FAM234A: variants seen among roughly 807,000 people sequenced by gnomAD.
FAM234A encodes family with sequence similarity 234 member A.
In FAM234A, 42 loss-of-function variants were observed where a neutral mutation model predicts 49.1. That is an observed-to-expected ratio of 0.86 (90% CI 0.67 to 1.11). The LOEUF (loss-of-function observed/expected upper bound fraction) is 1.11. Among genes scored for constraint, FAM234A ranks in the 50% least tolerant of loss-of-function variants. The pLI, the probability that FAM234A is intolerant of heterozygous loss-of-function variation, is 0.00. For synonymous variants in FAM234A, 369 were observed against 316.2 expected, an observed-to-expected ratio of 1.17 and a Z score of -1.77; for missense variants, 815 against 745.2, an observed-to-expected ratio of 1.09 and a Z score of -1.09.
intron 6 of FAM234A, 87 bp from the exon 7 acceptor site, chr16:262,006 G>C: frequency 1.0e-6 from 1 of 971,114 alleles, no homozygotes; most frequent in Non-Finnish European, 1.3e-6. Context: ...GCAGCCCCAG[G>C]CTCAGGTCCT....
intron 3 of FAM234A, among the ~76,000 whole-genome samples, chr16:257,686 C>T (rs1405240324): frequency 2.6e-5 from 4 of 151,726 alleles, no homozygotes; most frequent in African/African-American, 7.3e-5. Flanking sequence ...TTGTGCATGA[C>T]GTAAAGATTC....
chr16:264,654 C>G lies in FAM234A; in HGVS notation c.1385C>G (p.Pro462Arg). 6.2e-7 allele frequency: 1 copy of G among 1,611,968 alleles called. No individual in the cohort carries two copies. The highest frequency in any genetic ancestry group is 1.3e-5 in the African/African-American group (1 of 75,058). Residue 462 changes from proline to arginine, a missense_variant, in exon 12 of 13, where the codon CCC becomes CGC. Physicochemically the swap from Pro to Arg is moderately radical, Grantham distance 103. Coordinates refer to ENST00000399932, the MANE Select transcript of FAM234A (RefSeq NM_032039.4). ...EARHSLYMFHPTLPRVLLELA... is the reference protein window; with the variant it reads ...EARHSLYMFHRTLPRVLLELA... ...CGGCACAGCCTGTACATGTTCCACC[C>G]CACCCTGCCGCGCGTGCTGCTGGAG...
chr16:244,682 CTTTTTTTT>C (rs59549388), intron 1 of FAM234A, among the ~76,000 whole-genome samples: 3 of 86,740 alleles, frequency 3.5e-5, no homozygotes, highest in Non-Finnish European at 6.8e-5. Flanking sequence ...ATGGTAACCT[CTTTTTTTT>C]TTTTTTTTTT....
intron 5 of FAM234A, chr16:260,441 T>C: frequency 1.9e-6 from 1 of 523,766 alleles, no homozygotes; most frequent in Non-Finnish European, 3.6e-6. Flanking sequence ...TGCCATGGGG[T>C]AGCAGAGAGG....
chr16:240,358 T>C (rs2050567449), intron 1 of FAM234A: 2 of 152,228 alleles, frequency 1.3e-5, no homozygotes, highest in Non-Finnish European at 1.5e-5. Flanking sequence ...TGGCCTTAAA[T>C]AGCTTTCTTT....
At chr16:253,204 C>T (rs958858543) in intron 2 of FAM234A, among the ~76,000 whole-genome samples, 7 of 152,210 alleles carry the variant, frequency 4.6e-5, no homozygotes, top group African/African-American at 7.2e-5. Flanking sequence ...GGTTTCCCCA[C>T]CGCATCCACC....
At chr16:262,867 TG>T (rs2051529967) in intron 8 of FAM234A, among the ~76,000 whole-genome samples, 1 of 150,250 alleles carries the variant, frequency 6.7e-6, no homozygotes, top group Non-Finnish European at 1.5e-5. Context: ...TCCCCCAGGC[TG>T]GAGTGCAGTG....
downstream of FAM234A, chr16:268,718 C>T (rs902818063): frequency 3.3e-5 from 50 of 1,520,704 alleles, no homozygotes; most frequent in South Asian, 2.3e-4. Context: ...GGCGCAGCTC[C>T]GGAAGGCAGT....
chr16:262,727 G>A (rs1354764720), intron 8 of FAM234A, among the ~76,000 whole-genome samples, 174 bp downstream of exon 8: 1 of 152,038 alleles, frequency 6.6e-6, no homozygotes, highest in Non-Finnish European at 1.5e-5. Flanking sequence ...TCAAATAAAA[G>A]TTGAGTAAAG....
intron 2 of FAM234A, among the ~76,000 whole-genome samples, chr16:253,073 C>G (rs2051083964): frequency 6.6e-6 from 1 of 152,186 alleles, no homozygotes; most frequent in East Asian, 1.9e-4. Flanking sequence ...TTGTTTTTTT[C>G]TCGTTTTATA....
intron 2 of FAM234A, among the ~76,000 whole-genome samples, chr16:252,243 G>A (rs1483129773): frequency 3.4e-5 from 5 of 146,192 alleles, no homozygotes; most frequent in Admixed American, 1.4e-4. Context: ...GTGCAGTGGC[G>A]CGATCTTGGC....
At chr16:268,119 CACG>C (rs2051756243), downstream of FAM234A, among the ~76,000 whole-genome samples, 1 of 149,468 alleles carries the variant, frequency 6.7e-6, no homozygotes, top group Admixed American at 6.7e-5. Flanking sequence ...GCCTCATACA[CACG>C]ACACGTGCAC....
chr16:260,145 G>C lies in FAM234A; in HGVS notation c.562G>C (p.Val188Leu). The C allele has an allele frequency of 6.2e-7, 1 of 1,613,712 alleles. No homozygotes were observed. The highest frequency in any genetic ancestry group is 8.5e-7 in the Non-Finnish European group (1 of 1,180,020). ...LVGRPSSFIAVNLFTGETLWN... is the reference protein window; with the variant it reads ...LVGRPSSFIALNLFTGETLWN... Reference sequence around the variant, plus strand: ...GGGCAGACCCAGTTCTTTCATTGCAGTCAACTTGTTCACAGGTAGGCCAGC... The same window carrying C: ...GGGCAGACCCAGTTCTTTCATTGCACTCAACTTGTTCACAGGTAGGCCAGC... Residue 188 changes from valine to leucine, a missense_variant, in exon 5 of 13, where the codon GTC becomes CTC. By Grantham distance (32) the Val-to-Leu change is conservative (BLOSUM62 1). Transcript: ENST00000399932.
chr16:269,235 T>G (rs1477559693), downstream of FAM234A: 26 of 1,429,394 alleles, frequency 1.8e-5, no homozygotes, highest in Non-Finnish European at 1.9e-6. Flanking sequence ...GACGTTGAGC[T>G]GCAGGGACTA....
In FAM234A at chr16:264,811, C is replaced by T; in HGVS notation, c.1448C>T (p.Ala483Val). The T allele has an allele frequency of 6.2e-7, 1 of 1,608,706 alleles. No individual in the cohort carries two copies. Among genetic ancestry groups the T allele is most frequent in the Non-Finnish European group, 8.5e-7 (1 of 1,179,072 alleles). ...NVSTHIVAFD[A>V]VLFEPSRHAA... Reference sequence around the variant, plus strand: ...GACAGCTGTGTCCCCCACCCTGCAGCCGTCCTGTTTGAGCCAAGCCGCCAC... The same window carrying T: ...GACAGCTGTGTCCCCCACCCTGCAGTCGTCCTGTTTGAGCCAAGCCGCCAC... Residue 483 changes from alanine to valine, a missense_variant and splice_region_variant, in exon 13 of 13, where the codon GCC becomes GTC. By Grantham distance (64) the Ala-to-Val change is moderately conservative. Transcript: ENST00000399932.
At position 264,619 on chromosome 16, in the gene FAM234A, C is replaced by A; in HGVS notation, c.1350C>A (p.Thr450=). 1 of 1,608,436 alleles carries A rather than the reference C, an allele frequency of 6.2e-7. No homozygotes were observed. Among genetic ancestry groups the A allele is most frequent in the Non-Finnish European group, 8.5e-7 (1 of 1,178,122 alleles). The change falls in exon 12 of 13, where the codon ACC becomes ACA. Residue 450 remains threonine, a synonymous_variant. Transcript: ENST00000399932. ...HELGSTSETE[T]GEARHSLYMF... is the part of the protein sequence containing the mutation. ...ATTGCTGGTTCTCGCTCCAGGAGAC[C>A]GGGGAGGCCCGGCACAGCCTGTACA...
At chr16:238,340 A>G (rs542878579) in intron 1 of FAM234A, among the ~76,000 whole-genome samples, 30 of 152,006 alleles carry the variant, frequency 2.0e-4, no homozygotes, top group African/African-American at 1.7e-4. Flanking sequence ...TTTTTAAACC[A>G]CTATGCAGCT....
chr16:254,852 T>C (rs907713147), intron 3 of FAM234A, among the ~76,000 whole-genome samples, 171 bp downstream of exon 3: 1 of 152,228 alleles, frequency 6.6e-6, no homozygotes, highest in Non-Finnish European at 1.5e-5. Flanking sequence ...TAGGGAGCGA[T>C]AGACCAGCCT....
intron 3 of FAM234A, among the ~76,000 whole-genome samples, chr16:258,149 C>T (rs1182202389): frequency 1.3e-5 from 2 of 150,040 alleles, no homozygotes; most frequent in Non-Finnish European, 3.0e-5. Context: ...CCACCTCACC[C>T]GGCCTATTTT....
Sources: allele counts gnomAD v4.1 joint callset (sites outside exome capture counted in the v4.1 genomes callset), GRCh38; gene constraint gnomAD v4.1.1; transcripts MANE v1.5; gene names NCBI Gene and HGNC (gene_info 2026-07-23, HGNC 2026-07-21).